RANBP17: variants seen among roughly 807,000 people sequenced by gnomAD.
The protein encoded by RANBP17 is ran-binding protein 17.
A neutral mutation model predicts 141.2 loss-of-function variants in RANBP17; 158 were observed. The ratio of observed to expected loss-of-function variants is 1.12; its 90% CI spans 0.98 to 1.28. The LOEUF (loss-of-function observed/expected upper bound fraction) is 1.28. RANBP17 is among the 50% of genes most tolerant of loss of function. The pLI is 0.00. For synonymous variants in RANBP17, 430 were observed against 450.0 expected (o/e 0.96, Z 0.56); for missense variants, 1,438 against 1,290.7 (o/e 1.11, Z -1.75).
At chr5:171,140,658 A>G (rs1335221081) in intron 14 of RANBP17, among the ~76,000 whole-genome samples, 1 of 152,216 alleles carries the variant, frequency 6.6e-6, no homozygotes, top group Non-Finnish European at 1.5e-5. Flanking sequence ...GATTTGTACA[A>G]GGCACAATGG....
At chr5:170,910,850 A>G in intron 6 of RANBP17, 119 bp from the exon 7 acceptor site, 3 of 995,482 alleles carry the variant, frequency 3.0e-6, no homozygotes, top group Non-Finnish European at 4.4e-6. Context: ...ATGGAACAGT[A>G]TAACTTTGTA....
intron 22 of RANBP17, among the ~76,000 whole-genome samples, chr5:171,236,856 C>T (rs1764574440): frequency 6.6e-6 from 1 of 152,110 alleles, no homozygotes; most frequent in Non-Finnish European, 1.5e-5. Flanking sequence ...GGATTCAGGC[C>T]AGGTCAGTAT....
Position 171,023,692 on chromosome 5 carries a change from A to G in RANBP17, c.1710+55315A>G, listed in dbSNP as rs1484206337. Among the ~76,000 whole-genome samples the G allele has an allele frequency of 2.6e-5, 4 of 152,118 alleles. No homozygotes were observed. In the East Asian group the frequency reaches 7.7e-4, roughly 29 times the overall value. ...TGTATTCCACTGTCATCTGGCTTTCATAGTTTCTGACAAGAAGTCTGTGAC... is the reference window on the plus strand; with the variant it reads ...TGTATTCCACTGTCATCTGGCTTTCGTAGTTTCTGACAAGAAGTCTGTGAC... On this transcript the variant is annotated intron_variant, in intron 14 of 27. Coordinates refer to ENST00000523189, the MANE Select transcript of RANBP17 (RefSeq NM_022897.5).
In RANBP17 at chr5:171,183,343, G is replaced by A. The variant is rs1429691489; in HGVS notation, c.1951G>A (p.Gly651Ser). ...TTAGAGTGAACACTTCCCTTTTCTT[G>A]GCATCAGTGACAATCATAGTCTCAG... The part of the protein sequence containing the change: ...NHTSEHFPFL[G>S]ISDNHSLSDF... Residue 651 changes from glycine to serine, a missense_variant, in exon 18 of 28, where the codon GGC (glycine) becomes AGC (serine). By Grantham distance (56) the Gly-to-Ser change is moderately conservative. Coordinates refer to ENST00000523189, the MANE Select transcript of RANBP17 (RefSeq NM_022897.5). 1 of 1,613,752 alleles carries A rather than the reference G, an allele frequency of 6.2e-7. No homozygotes were observed. Among genetic ancestry groups the A allele is most frequent in the Non-Finnish European group, 8.5e-7 (1 of 1,179,734 alleles).
intron 14 of RANBP17, among the ~76,000 whole-genome samples, chr5:171,089,753 C>G (rs1043057005): frequency 6.6e-6 from 1 of 152,038 alleles, no homozygotes; most frequent in East Asian, 1.9e-4. Flanking sequence ...TTCTTTGACT[C>G]GGAAAGGGAA....
intron 27 of RANBP17, among the ~76,000 whole-genome samples, chr5:171,298,008 C>G (rs991565904): frequency 4.6e-5 from 7 of 151,732 alleles, no homozygotes; most frequent in Non-Finnish European, 8.8e-5. Flanking sequence ...AGGTGCCCAC[C>G]ACCACACCTG....
intron 1 of RANBP17, among the ~76,000 whole-genome samples, chr5:170,870,734 C>T (rs1482047397): frequency 6.6e-6 from 1 of 152,066 alleles, no homozygotes; most frequent in African/African-American, 2.4e-5. Flanking sequence ...GAGTATATAC[C>T]CAGTAATGAG....
chr5:171,054,168 A>G (rs1420746046), intron 14 of RANBP17, among the ~76,000 whole-genome samples: 1 of 151,828 alleles, frequency 6.6e-6, no homozygotes, highest in South Asian at 2.1e-4. Flanking sequence ...TAAGCAGCAT[A>G]TAGTTGACTG....
At chr5:171,177,344 C>G (rs147003767) in intron 16 of RANBP17, among the ~76,000 whole-genome samples, 1 of 152,138 alleles carries the variant, frequency 6.6e-6, no homozygotes, top group East Asian at 1.9e-4. Context: ...TTGTTTTGAT[C>G]TGATCATTTC....
At chr5:171,065,990 A>T (rs1227046434) in intron 14 of RANBP17, among the ~76,000 whole-genome samples, 1 of 151,516 alleles carries the variant, frequency 6.6e-6, no homozygotes, top group African/African-American at 2.4e-5. Flanking sequence ...CCTCCTAAGT[A>T]GCTGAGATTA....
chr5:171,136,405 CT>C (rs928795139), intron 14 of RANBP17, among the ~76,000 whole-genome samples: 3 of 151,022 alleles, frequency 2.0e-5, no homozygotes, highest in South Asian at 2.1e-4. Flanking sequence ...ATTTTCTCAC[CT>C]TTTTTTTTCT....
intron 14 of RANBP17, among the ~76,000 whole-genome samples, chr5:171,047,014 CTTTT>C (rs35304788): frequency 3.1e-5 from 3 of 97,760 alleles, no homozygotes; most frequent in African/African-American, 7.8e-5. Flanking sequence ...TTTATTTTGC[CTTTT>C]TTTTTTTTTT....
chr5:171,259,132 T>C (rs1766117268), intron 24 of RANBP17, among the ~76,000 whole-genome samples: 1 of 152,206 alleles, frequency 6.6e-6, no homozygotes. Context: ...TCAACATCAC[T>C]AATCATCAGA....
At chr5:171,143,948 G>T (rs981448513) in intron 14 of RANBP17, among the ~76,000 whole-genome samples, 4 of 152,160 alleles carry the variant, frequency 2.6e-5, no homozygotes, top group Non-Finnish European at 5.9e-5. Flanking sequence ...GGGACTGGGG[G>T]TGTAAAATAC....
At chr5:171,190,143 G>A (rs1465552897) in intron 18 of RANBP17, among the ~76,000 whole-genome samples, 1 of 152,186 alleles carries the variant, frequency 6.6e-6, no homozygotes, top group Admixed American at 6.5e-5. Flanking sequence ...AATTGAAAAT[G>A]TCTTGTGTAT....
At chr5:170,985,014 TACAC>T (rs1179922774) in intron 14 of RANBP17, among the ~76,000 whole-genome samples, 6 of 146,150 alleles carry the variant, frequency 4.1e-5, no homozygotes, top group Admixed American at 3.5e-4. Context: ...CACAGACACA[TACAC>T]ATATACACAC....
At chr5:171,155,128 C>T (rs1260788707) in intron 14 of RANBP17, among the ~76,000 whole-genome samples, 2 of 136,704 alleles carry the variant, frequency 1.5e-5, no homozygotes, top group African/African-American at 5.5e-5. Context: ...TATGTACACA[C>T]ACACACACAC....
At chr5:171,099,403 TG>T (rs1279186008) in intron 14 of RANBP17, among the ~76,000 whole-genome samples, 1 of 152,184 alleles carries the variant, frequency 6.6e-6, no homozygotes, top group Non-Finnish European at 1.5e-5. Context: ...GCTCATGATT[TG>T]GCTGATATTG....
chr5:170,998,760 G>A (rs1249011960), intron 14 of RANBP17, among the ~76,000 whole-genome samples: 1 of 151,912 alleles, frequency 6.6e-6, no homozygotes, highest in Non-Finnish European at 1.5e-5. Flanking sequence ...CATATTAGAG[G>A]GATACAGTTC....
Sources: gnomAD v4.1 joint callset for allele counts (sites outside exome capture counted in the v4.1 genomes callset) on GRCh38, gnomAD v4.1.1 for gene constraint, MANE v1.5 for transcripts, NCBI Gene and HGNC (gene_info 2026-07-23, HGNC 2026-07-21) for gene names.